Variants in MPHOSPH9 observed in about 807,000 individuals in gnomAD.
MPHOSPH9 encodes M-phase phosphoprotein 9.
MPHOSPH9 carries 88 observed loss-of-function variants against 145.5 expected under a neutral mutation model. The ratio of observed to expected loss-of-function variants is 0.60; its 90% CI spans 0.51 to 0.72. The LOEUF (loss-of-function observed/expected upper bound fraction) is 0.72, where lower values mean the gene tolerates loss of function less well. MPHOSPH9 is among the 30% of genes least tolerant of loss of function. The pLI, the probability that MPHOSPH9 is intolerant of heterozygous loss-of-function variation, is 0.00. For missense variants in MPHOSPH9, 1,238 were observed against 1,386.6 expected (o/e 0.89, Z 1.70); for synonymous variants, 435 against 486.2 (o/e 0.89, Z 1.39).
At chr12:123,225,750 T>C (rs2047415358) in intron 3 of MPHOSPH9, among the ~76,000 whole-genome samples, 1 of 152,092 alleles carries the variant, frequency 6.6e-6, no homozygotes, top group Non-Finnish European at 1.5e-5. Context: ...CAAAAGCTAA[T>C]AAGGGCTAGC....
chr12:123,209,349 T>C (rs912736578), intron 8 of MPHOSPH9, among the ~76,000 whole-genome samples: 2 of 152,200 alleles, frequency 1.3e-5, no homozygotes, highest in African/African-American at 4.8e-5. Context: ...ATTTTAGAAG[T>C]TGAAAAATAA....
intron 1 of MPHOSPH9, among the ~76,000 whole-genome samples, chr12:123,242,097 A>G (rs1593276352): frequency 6.6e-6 from 1 of 152,338 alleles, no homozygotes; most frequent in Middle Eastern, 3.4e-3. Context: ...TGTTTTAAAT[A>G]TTCTTGCACA....
At chr12:123,235,171 C>T (rs1252760586), upstream of MPHOSPH9, among the ~76,000 whole-genome samples, 3 of 152,164 alleles carry the variant, frequency 2.0e-5, no homozygotes, top group Non-Finnish European at 4.4e-5. Flanking sequence ...AAGTACTTTA[C>T]ATTTATGGCA....
intron 22 of MPHOSPH9, 82 bp downstream of exon 22, chr12:123,161,054 G>GT: frequency 6.6e-7 from 1 of 1,509,986 alleles, no homozygotes. Context: ...CCTGAGACAG[G>GT]TTTGACTCAA....
At chr12:123,187,334 G>A (rs979889392) in intron 13 of MPHOSPH9, among the ~76,000 whole-genome samples, 1 of 151,786 alleles carries the variant, frequency 6.6e-6, no homozygotes, top group Non-Finnish European at 1.5e-5. Context: ...GATATACCTC[G>A]AGAAAAAAAT....
Position 123,203,262 on chromosome 12 carries a change from A to C in MPHOSPH9, c.1308T>G (p.Asn436Lys). 1 of 1,613,506 alleles carries C rather than the reference A, an allele frequency of 6.2e-7. No homozygotes were observed. Among genetic ancestry groups the C allele is most frequent in the Non-Finnish European group, 8.5e-7 (1 of 1,179,886 alleles). ...ERNLTSASNPNHPPEVLTLDP... is the reference protein window; with the variant it reads ...ERNLTSASNPKHPPEVLTLDP... ...TGGACAACTTTACCTCTGGTGGATG[A>C]TTTGGGTTGGAAGCAGAAGTGAGAT... is the stretch of plus-strand genomic sequence containing the variant. The change falls in exon 9 of 24, where the codon AAT becomes AAG. Residue 436 changes from asparagine (N) to lysine (K), a missense_variant. This residue lies in a region of MPHOSPH9 where 837 missense variants were observed against 897.5 expected (regional missense o/e 0.93). Transcript: ENST00000606320.
intron 1 of MPHOSPH9, among the ~76,000 whole-genome samples, chr12:123,243,653 C>T (rs529776120): frequency 6.6e-6 from 1 of 151,932 alleles, no homozygotes; most frequent in African/African-American, 2.4e-5. Flanking sequence ...TGCAGGGAGC[C>T]GAGATCGCGC....
At chr12:123,162,663 G>C (rs1224787415) in intron 20 of MPHOSPH9, 2 of 206,312 alleles carry the variant, frequency 9.7e-6, no homozygotes, top group South Asian at 2.9e-4. Context: ...CATGCATTTG[G>C]TGCCAGGGCC....
At chr12:123,212,766 C>CTTTTTTTTTTTT (rs769159602) in intron 7 of MPHOSPH9, among the ~76,000 whole-genome samples, 4 of 93,902 alleles carry the variant, frequency 4.3e-5, no homozygotes, top group Non-Finnish European at 7.7e-5. Context: ...CAATGGTCGA[C>CTTTTTTTTTTTT]TTTTTTTTTT....
At chr12:123,224,110 T>TTATATATATATATATATA (rs147637276) in intron 3 of MPHOSPH9, among the ~76,000 whole-genome samples, 7 of 120,384 alleles carry the variant, frequency 5.8e-5, no homozygotes, top group Non-Finnish European at 8.1e-5. Flanking sequence ...AATTGCTAAT[T>TTATATATATATATATATA]TATATATATA....
chr12:123,232,177 G>A (rs535101642), intron 1 of MPHOSPH9, among the ~76,000 whole-genome samples: 4 of 151,580 alleles, frequency 2.6e-5, no homozygotes, highest in African/African-American at 9.7e-5. Context: ...ATTACACCAG[G>A]AAAACACAAG....
At chr12:123,190,156 CTTT>C (rs549420078) in intron 13 of MPHOSPH9, among the ~76,000 whole-genome samples, 6 of 141,002 alleles carry the variant, frequency 4.3e-5, no homozygotes, top group Admixed American at 7.2e-5. Flanking sequence ...TTTTATTTCT[CTTT>C]TTTTTTTTTT....
intron 1 of MPHOSPH9, among the ~76,000 whole-genome samples, chr12:123,239,355 T>C (rs1234153425): frequency 6.6e-6 from 1 of 152,220 alleles, no homozygotes; most frequent in Non-Finnish European, 1.5e-5. Flanking sequence ...ATTTCTAATG[T>C]AACTACTAGA....
intron 7 of MPHOSPH9, among the ~76,000 whole-genome samples, chr12:123,212,568 G>A (rs368414025): frequency 1.3e-5 from 2 of 151,978 alleles, no homozygotes; most frequent in South Asian, 4.2e-4. Flanking sequence ...TTAGCTGGGC[G>A]TGGTAGTGCA....
At chr12:123,181,327 G>T in intron 13 of MPHOSPH9, 117 bp from the exon 14 acceptor site, 1 of 772,886 alleles carries the variant, frequency 1.3e-6, no homozygotes, top group Non-Finnish European at 2.1e-6. Context: ...TCATGAAAGA[G>T]AAAGGTCAAT....
chr12:123,171,033 C>T (rs577698849), intron 16 of MPHOSPH9, among the ~76,000 whole-genome samples: 6 of 152,290 alleles, frequency 3.9e-5, no homozygotes, highest in South Asian at 2.1e-4. Context: ...GGGATCTGTG[C>T]GCTGCTTGTT....
chr12:123,217,256 G>A (rs2047008383), intron 6 of MPHOSPH9, among the ~76,000 whole-genome samples: 1 of 151,534 alleles, frequency 6.6e-6, no homozygotes, highest in Admixed American at 6.6e-5. Flanking sequence ...GGAGTGCAAT[G>A]GCGTGATCTT....
chr12:123,184,956 A>G (rs1193447381), intron 13 of MPHOSPH9, among the ~76,000 whole-genome samples: 1 of 152,000 alleles, frequency 6.6e-6, no homozygotes, highest in Non-Finnish European at 1.5e-5. Context: ...GATGTGCACC[A>G]TCACACCCAG....
chr12:123,195,339 C>G (rs2045894819), intron 12 of MPHOSPH9, among the ~76,000 whole-genome samples: 1 of 152,102 alleles, frequency 6.6e-6, no homozygotes, highest in African/African-American at 2.4e-5. Context: ...GTAATCCCAG[C>G]ACTTTGGGAG....
Sources: allele counts gnomAD v4.1 joint callset (sites outside exome capture counted in the v4.1 genomes callset), GRCh38; gene constraint gnomAD v4.1.1; regional missense constraint gnomAD v4.1.1; transcripts MANE v1.5; gene names NCBI Gene and HGNC (gene_info 2026-07-23, HGNC 2026-07-21).